The following ANO4 variants were observed in gnomAD, a reference collection of about 807,000 sequenced individuals.
ANO4 encodes the protein anoctamin-4.
In ANO4, 69 loss-of-function variants were observed where a neutral mutation model predicts 141.9. The observed-to-expected ratio is 0.49, with a 90% CI of 0.40 to 0.59. The LOEUF is 0.59. Ranked by LOEUF, ANO4 falls within the 20% of genes least tolerant of loss-of-function variation. ANO4 has a pLI of 0.00. For synonymous variants in ANO4, 350 were observed against 394.3 expected (o/e 0.89, Z 1.33); for missense variants, 894 against 1,162.2 (o/e 0.77, Z 3.36).
chr12:100,901,789 G>C lies in ANO4; in HGVS notation c.4G>C (p.Glu2Gln). ...ACCAGGCAGAAGGTCAATAAAAATGGAGGCAAGCTCTTCTGGAATCACTAA... is the reference window on the plus strand; with the variant it reads ...ACCAGGCAGAAGGTCAATAAAAATGCAGGCAAGCTCTTCTGGAATCACTAA... Reference protein sequence around the residue: MEASSSGITNGK... With the variant: MQASSSGITNGK... Residue 2 changes from glutamate (E) to glutamine (Q), a missense_variant, in exon 2 of 28, where the codon GAG becomes CAG. Glu to Gln is a conservative substitution (Grantham distance 29). Around this residue, in one of 2 missense-constraint regions of ANO4, gnomAD observed 257 missense variants for 253.0 expected, o/e 1.02. Coordinates refer to ENST00000392977, the MANE Select transcript of ANO4 (RefSeq NM_001286615.2). 6.2e-7 allele frequency: 1 copy of C among 1,614,004 alleles called. No individual in the cohort carries two copies. The highest frequency in any genetic ancestry group is 8.5e-7 in the Non-Finnish European group (1 of 1,179,954).
At chr12:100,979,883 ACGCCCAG>A (rs1015695714) in intron 7 of ANO4, among the ~76,000 whole-genome samples, 20 of 138,070 alleles carry the variant, frequency 1.4e-4, no homozygotes, top group Non-Finnish European at 2.6e-4. Flanking sequence ...GCCCACCACC[ACGCCCAG>A]CTGACTTTTT....
chr12:100,812,248 T>G (rs1025078120), intron 1 of ANO4, among the ~76,000 whole-genome samples: 1 of 152,214 alleles, frequency 6.6e-6, no homozygotes, highest in African/African-American at 2.4e-5. Flanking sequence ...TTCTGTTGAT[T>G]AAGTAATTCT....
At chr12:100,734,618 A>T (rs938257472) in intron 2 of ANO4, among the ~76,000 whole-genome samples, 2 of 152,222 alleles carry the variant, frequency 1.3e-5, no homozygotes, top group Non-Finnish European at 2.9e-5. Context: ...CATTTTACAG[A>T]TGAGGAAACT....
chr12:101,068,815 C>G, intron 14 of ANO4: 2 of 1,120,524 alleles, frequency 1.8e-6, no homozygotes, highest in Non-Finnish European at 2.7e-6. Flanking sequence ...CAAAAAGTAT[C>G]TATTGAAGGT....
intron 5 of ANO4, among the ~76,000 whole-genome samples, chr12:100,951,659 CT>C (rs1169180791): frequency 1.3e-5 from 2 of 152,126 alleles, no homozygotes; most frequent in Non-Finnish European, 2.9e-5. Context: ...TATGTCTCTT[CT>C]TTTTTGAGAG....
In ANO4 at chr12:101,050,129, T is replaced by C. The variant is rs1481801021; in HGVS notation, c.1312+1728T>C. Among the ~76,000 whole-genome samples the C allele has an allele frequency of 2.6e-5, 4 of 152,090 alleles. 1 individual carries two copies. The South Asian group carries it at 8.3e-4, about 32-fold the overall frequency. On this transcript the variant is annotated intron_variant, in intron 14 of 27. Transcript: ENST00000392977. The stretch of plus-strand genomic sequence containing the variant: ...ATGAGAATCAGAACCTAGAAATAGA[T>C]AGAAGCAAAGAACTAGTGGAAAAAT...
intron 8 of ANO4, among the ~76,000 whole-genome samples, chr12:100,998,079 A>C (rs945614692): frequency 6.6e-6 from 1 of 152,182 alleles, no homozygotes; most frequent in African/African-American, 2.4e-5. Flanking sequence ...CTGTGAGGCC[A>C]AAATAGATTA....
In ANO4 at chr12:101,025,074, A is replaced by G. The variant is rs894827642; in HGVS notation, c.841+4934A>G. On this transcript the variant is annotated intron_variant, in intron 9 of 27. Coordinates refer to ENST00000392977, the MANE Select transcript of ANO4 (RefSeq NM_001286615.2). ...ATTTTAGGAAGTAGCAGAAATCTTGATCTGAAAGGAGCTTTAAAGATCAAC... is the reference window on the plus strand; with the variant it reads ...ATTTTAGGAAGTAGCAGAAATCTTGGTCTGAAAGGAGCTTTAAAGATCAAC... Among the ~76,000 whole-genome samples, 3 of 152,332 alleles carry G rather than the reference A, an allele frequency of 2.0e-5. No homozygotes were observed. In the East Asian group the frequency reaches 5.8e-4, roughly 29 times the overall value.
intron 1 of ANO4, among the ~76,000 whole-genome samples, chr12:100,858,584 T>G (rs1045535603): frequency 6.6e-6 from 1 of 152,204 alleles, no homozygotes; most frequent in Admixed American, 6.5e-5. Flanking sequence ...CTTTTGCTTT[T>G]TAAAGATATT....
chr12:101,084,308 A>G (rs2049399188), intron 16 of ANO4, among the ~76,000 whole-genome samples: 1 of 152,180 alleles, frequency 6.6e-6, no homozygotes, highest in Non-Finnish European at 1.5e-5. Context: ...ATTATAGTAT[A>G]TTTTTAATGA....
chr12:100,965,494 T>A (rs2043613436), intron 5 of ANO4, among the ~76,000 whole-genome samples: 1 of 152,162 alleles, frequency 6.6e-6, no homozygotes, highest in Non-Finnish European at 1.5e-5. Context: ...TGTAACTCAT[T>A]AGTGGCTTCC....
chr12:100,733,670 A>G (rs144520532), intron 1 of ANO4: 2 of 608,730 alleles, frequency 3.3e-6, no homozygotes, highest in East Asian at 2.8e-5. Flanking sequence ...CCCGTGTCAT[A>G]GACAAGGAGA....
intron 14 of ANO4, among the ~76,000 whole-genome samples, chr12:101,073,661 C>G (rs982328797): frequency 6.6e-6 from 1 of 151,524 alleles, no homozygotes; most frequent in African/African-American, 2.4e-5. Flanking sequence ...CTGTGATGGG[C>G]CTTATGAGAC....
intron 7 of ANO4, among the ~76,000 whole-genome samples, chr12:100,982,285 C>G (rs2044502078): frequency 6.6e-6 from 1 of 152,070 alleles, no homozygotes; most frequent in African/African-American, 2.4e-5. Flanking sequence ...AATCATTAAG[C>G]CAATGTTTTC....
chr12:101,079,057 T>A, intron 14 of ANO4, 136 bp from the exon 15 acceptor site: 1 of 737,006 alleles, frequency 1.4e-6, no homozygotes. Flanking sequence ...GAAGCTCAGC[T>A]GGAAATTCTG....
intron 5 of ANO4, among the ~76,000 whole-genome samples, chr12:100,960,607 A>T (rs993995933): frequency 6.6e-6 from 1 of 152,264 alleles, no homozygotes; most frequent in African/African-American, 2.4e-5. Context: ...TAAAATAAAA[A>T]AAAAAAAGAC....
chr12:101,038,395 G>A (rs147498270), intron 10 of ANO4: 3 of 143,996 alleles, frequency 2.1e-5, no homozygotes, highest in African/African-American at 5.1e-5. Flanking sequence ...TGGCAGAAGC[G>A]TCTGTGCAGG....
intron 21 of ANO4, 81 bp from the exon 22 acceptor site, chr12:101,099,497 G>A: frequency 3.0e-6 from 4 of 1,348,214 alleles, no homozygotes; most frequent in South Asian, 3.3e-5. Flanking sequence ...TATTGTTTCT[G>A]TATTCAAACT....
At chr12:101,035,908 C>G (rs983209863) in intron 9 of ANO4, among the ~76,000 whole-genome samples, 1 of 152,098 alleles carries the variant, frequency 6.6e-6, no homozygotes. Flanking sequence ...GTACTATGCT[C>G]ATTACCTGGG....
Sources: gnomAD v4.1 joint callset for allele counts (sites outside exome capture counted in the v4.1 genomes callset) on GRCh38, gnomAD v4.1.1 for gene constraint, gnomAD v4.1.1 regional missense constraint, MANE v1.5 for transcripts, NCBI Gene and HGNC (gene_info 2026-07-23, HGNC 2026-07-21) for gene names.